USP34: variants seen among roughly 807,000 people sequenced by gnomAD.
USP34 encodes the protein ubiquitin specific peptidase 34.
In USP34, 70 loss-of-function variants were observed where a neutral mutation model predicts 460.3. The observed-to-expected ratio is 0.15, with a 90% CI of 0.13 to 0.19. The LOEUF is 0.19. USP34 is among the 10% of genes least tolerant of loss of function. The pLI is 1.00. For synonymous variants in USP34, 1,647 were observed against 1,405.3 expected (o/e 1.17, Z -3.85); for missense variants, 3,985 against 4,236.2 (o/e 0.94, Z 1.65).
At chr2:61,218,171 T>G (rs1473447805) in intron 67 of USP34, among the ~76,000 whole-genome samples, 1 of 151,598 alleles carries the variant, frequency 6.6e-6, no homozygotes, top group African/African-American at 2.4e-5. Flanking sequence ...ATAGTTTTTT[T>G]TTTTTGTTGG....
At chr2:61,468,847 C>G (rs762870540) in intron 1 of USP34, among the ~76,000 whole-genome samples, 1 of 152,130 alleles carries the variant, frequency 6.6e-6, no homozygotes, top group Non-Finnish European at 1.5e-5. Flanking sequence ...AAGATGCCAC[C>G]TCTTTTCAAA....
chr2:61,442,934 C>CACAG (rs3220962), intron 1 of USP34, among the ~76,000 whole-genome samples: 12 of 146,470 alleles, frequency 8.2e-5, no homozygotes, highest in Non-Finnish European at 1.1e-4. Context: ...CACACACACA[C>CACAG]AGAGGAATAT....
intron 1 of USP34, among the ~76,000 whole-genome samples, chr2:61,440,747 A>C (rs1573044253): frequency 6.6e-6 from 1 of 151,170 alleles, no homozygotes; most frequent in Non-Finnish European, 1.5e-5. Context: ...CAAACTCCTG[A>C]CCTCAGGCAA....
At chr2:61,238,250 T>C (rs1277738093) in intron 53 of USP34, among the ~76,000 whole-genome samples, 1 of 152,172 alleles carries the variant, frequency 6.6e-6, no homozygotes, top group Non-Finnish European at 1.5e-5. Flanking sequence ...CCACTTTTCC[T>C]TGAACTTCCA....
At chr2:61,347,823 T>C in intron 15 of USP34, 47 bp downstream of exon 15, 1 of 1,589,444 alleles carries the variant, frequency 6.3e-7, no homozygotes, top group Non-Finnish European at 8.6e-7. Flanking sequence ...ATATAATACT[T>C]CCCTAAAGGA....
Position 61,228,846 on chromosome 2 carries a change from G to A in USP34, c.7349C>T (p.Ala2450Val), listed in dbSNP as rs780218321. Residue 2450 changes from alanine (A) to valine (V), a missense_variant, in exon 60 of 80, where the codon GCA becomes GTA. Around this residue, in one of 14 missense-constraint regions of USP34, gnomAD observed 604 missense variants for 684.8 expected, o/e 0.88. Coordinates refer to ENST00000398571, the MANE Select transcript of USP34 (RefSeq NM_014709.4). ...CCTCACCTCTTCTTCACCCATTTTT[G>A]CAAATTCGTAAAGGAAGGCAAAATA... The part of the protein sequence containing the change: ...TEYFAFLYEF[A>V]KMGEEESQFL... 1 of 1,591,150 alleles carries A rather than the reference G, an allele frequency of 6.3e-7. No individual in the cohort carries two copies. Among genetic ancestry groups the A allele is most frequent in the Non-Finnish European group, 8.5e-7 (1 of 1,170,308 alleles).
chr2:61,271,293 CT>C (rs1689206214), intron 41 of USP34, among the ~76,000 whole-genome samples: 1 of 152,174 alleles, frequency 6.6e-6, no homozygotes, highest in African/African-American at 2.4e-5. Context: ...GAAGCTTTAT[CT>C]TCTTCAAAGC....
chr2:61,245,774 T>C (rs1688402359), intron 50 of USP34, among the ~76,000 whole-genome samples: 1 of 152,172 alleles, frequency 6.6e-6, no homozygotes, highest in Non-Finnish European at 1.5e-5. Flanking sequence ...ATTGTACATT[T>C]TCTTCAAATC....
chr2:61,223,818 C>T (rs1362205704), intron 62 of USP34, among the ~76,000 whole-genome samples: 2 of 152,044 alleles, frequency 1.3e-5, no homozygotes, highest in African/African-American at 4.8e-5. Context: ...AGCCACTACA[C>T]CTAGATTGCA....
rs972471549 is a variant in USP34, at chr2:61,461,527, CTTTTA to C, written c.43+9118_43+9122del. ...CTTAATACATTCTCTACCAAAATAA[CTTTTA>C]TTTTAAGAGATGAAGTCTTGCTATG... On this transcript the variant is annotated intron_variant, in intron 1 of 79. Coordinates refer to ENST00000398571, the MANE Select transcript of USP34 (RefSeq NM_014709.4). Among the ~76,000 whole-genome samples the C allele has an allele frequency of 2.6e-5, 4 of 151,872 alleles. No homozygotes were observed. The East Asian group carries it at 5.8e-4, about 22-fold the overall frequency.
Position 61,249,925 on chromosome 2 carries a change from GA to G in USP34, c.6222-1243del, listed in dbSNP as rs574360586. On this transcript the variant is annotated intron_variant, in intron 48 of 79. Transcript: ENST00000398571. Reference sequence around the variant, plus strand: ...ATCAGAAGATACTAACAGAGCTGCTGAAACAGCCAGCCATAGCATTGGAGAG... The same window carrying G: ...ATCAGAAGATACTAACAGAGCTGCTGAACAGCCAGCCATAGCATTGGAGAG... 66 of 167,416 alleles carry G rather than the reference GA, an allele frequency of 3.9e-4. No homozygotes were observed. The East Asian group carries it at 8.8e-3, about 22-fold the overall frequency. 10.4% of individuals were successfully genotyped at this position (167,416 alleles called of 1,614,324 possible).
At chr2:61,403,665 C>A (rs1366861693) in intron 3 of USP34, among the ~76,000 whole-genome samples, 4 of 152,016 alleles carry the variant, frequency 2.6e-5, no homozygotes, top group African/African-American at 9.7e-5. Context: ...TCTCCCCCAC[C>A]CAGAGCAGGA....
At chr2:61,454,429 T>C (rs1169576356) in intron 1 of USP34, among the ~76,000 whole-genome samples, 1 of 150,540 alleles carries the variant, frequency 6.6e-6, no homozygotes, top group East Asian at 2.0e-4. Context: ...CAGCCAGTTT[T>C]TTGTTTGTTG....
At chr2:61,260,314 A>G (rs1021458020) in intron 43 of USP34, among the ~76,000 whole-genome samples, 4 of 152,194 alleles carry the variant, frequency 2.6e-5, no homozygotes, top group African/African-American at 9.7e-5. Flanking sequence ...CACATTAGAG[A>G]TTTAGTATTG....
At chr2:61,423,375 G>C (rs1694418002) in intron 1 of USP34, among the ~76,000 whole-genome samples, 1 of 152,052 alleles carries the variant, frequency 6.6e-6, no homozygotes, top group South Asian at 2.1e-4. Flanking sequence ...GCCTCCCAAA[G>C]TGCTGGGATT....
At chr2:61,446,573 A>T (rs1414282040) in intron 1 of USP34, among the ~76,000 whole-genome samples, 1 of 152,234 alleles carries the variant, frequency 6.6e-6, no homozygotes, top group East Asian at 1.9e-4. Context: ...AGGCGGGCAG[A>T]TCACTTAAAG....
At chr2:61,362,608 T>C (rs989784265) in intron 10 of USP34, among the ~76,000 whole-genome samples, 1 of 152,134 alleles carries the variant, frequency 6.6e-6, no homozygotes, top group Non-Finnish European at 1.5e-5. Context: ...GAATTTAAAG[T>C]AGTCAAAGAA....
intron 1 of USP34, among the ~76,000 whole-genome samples, chr2:61,457,426 G>A (rs1174780652): frequency 2.6e-5 from 4 of 152,162 alleles, no homozygotes; most frequent in African/African-American, 9.7e-5. Context: ...TATACACCTA[G>A]ACGGCCTACT....
chr2:61,371,581 A>C (rs1692629026), intron 8 of USP34, among the ~76,000 whole-genome samples: 1 of 152,078 alleles, frequency 6.6e-6, no homozygotes, highest in Non-Finnish European at 1.5e-5. Flanking sequence ...AAGTTTATAA[A>C]AGTAAATAAA....
Sources: gnomAD v4.1 joint callset for allele counts (sites outside exome capture counted in the v4.1 genomes callset) on GRCh38, gnomAD v4.1.1 for gene constraint, gnomAD v4.1.1 regional missense constraint, MANE v1.5 for transcripts, NCBI Gene and HGNC (gene_info 2026-07-23, HGNC 2026-07-21) for gene names.